ZRSR2: variants seen among roughly 807,000 people sequenced by gnomAD.
ZRSR2 encodes U2 small nuclear ribonucleoprotein auxiliary factor 35 kDa subunit-related protein 2.
Under a neutral mutation model 39.4 loss-of-function variants are expected in ZRSR2, and 3 were observed. The observed-to-expected ratio is 0.08, with a 90% CI of 0.03 to 0.20. The LOEUF (loss-of-function observed/expected upper bound fraction) is 0.20. Among genes scored for constraint, ZRSR2 ranks in the 10% least tolerant of loss-of-function variants. The pLI is 1.00. For missense variants in ZRSR2, 256 were observed against 391.5 expected, an observed-to-expected ratio of 0.65 and a Z score of 2.92; for synonymous variants, 137 against 136.0, an observed-to-expected ratio of 1.01 and a Z score of -0.05.
chrX:15,807,354 A>G (rs754578710), intron 5 of ZRSR2, among the ~76,000 whole-genome samples: 1 of 109,376 alleles, frequency 9.1e-6, no homozygotes, highest in East Asian at 2.9e-4. Context: ...CAGTGGCGTC[A>G]TCTCGGCTCA....
intron 7 of ZRSR2, among the ~76,000 whole-genome samples, chrX:15,812,151 G>C (rs927283600): frequency 1.8e-5 from 2 of 110,578 alleles, no homozygotes; most frequent in East Asian, 5.7e-4. Flanking sequence ...GGATGGTCTC[G>C]ATCTCCTGAC....
intron 8 of ZRSR2, 132 bp downstream of exon 8, chrX:15,816,022 C>A: frequency 2.3e-6 from 1 of 428,450 alleles, no homozygotes. Context: ...CCCTCTTTCT[C>A]TCTTTCCACC....
chrX:15,794,921 G>C (rs1018082597), intron 2 of ZRSR2, among the ~76,000 whole-genome samples: 1 of 111,573 alleles, frequency 9.0e-6, no homozygotes, highest in African/African-American at 3.3e-5. Flanking sequence ...GTGTCAATTT[G>C]TTTTCTGGCA....
chrX:15,816,933 C>G lies in ZRSR2; in HGVS notation c.771+1043C>G, dbSNP rs375927073. On this transcript the variant is annotated intron_variant, in intron 8 of 10. Coordinates refer to ENST00000307771, the MANE Select transcript of ZRSR2 (RefSeq NM_005089.4). ...GCCTTCCTGTCTTCACATTACTTGT[C>G]AGCACAAGCAATAACTGCTAAAGTG... 2.0e-3 allele frequency among the ~76,000 whole-genome samples: 218 copies of G among 111,201 alleles called. 3 individuals carry two copies. In the South Asian group the frequency reaches 0.08, roughly 41 times the overall value.
chrX:15,804,334 A>G (rs1055146469), intron 5 of ZRSR2, 137 bp downstream of exon 5: 18 of 969,438 alleles, frequency 1.9e-5, no homozygotes, highest in African/African-American at 1.8e-4. Context: ...CAGTTTAGAC[A>G]TAACACCAGA....
intron 5 of ZRSR2, among the ~76,000 whole-genome samples, chrX:15,805,482 A>G (rs912852849): frequency 1.8e-5 from 2 of 112,251 alleles, no homozygotes; most frequent in South Asian, 3.6e-4. Flanking sequence ...AATCAGCAGT[A>G]TGTGTTCCTG....
intron 7 of ZRSR2, among the ~76,000 whole-genome samples, chrX:15,810,316 C>G (rs1321013200): frequency 8.9e-6 from 1 of 111,826 alleles, no homozygotes; most frequent in Non-Finnish European, 1.9e-5. Context: ...TATTAATGAA[C>G]AACTTAAAGT....
At chrX:15,791,437 G>A (rs758197134) in intron 2 of ZRSR2, among the ~76,000 whole-genome samples, 125 of 111,293 alleles carry the variant, frequency 1.1e-3, no homozygotes, top group African/African-American at 3.8e-3. Context: ...AAATTATTAT[G>A]TTATTCAAAT....
At chrX:15,820,066 T>C in intron 9 of ZRSR2, 141 bp from the exon 10 acceptor site, 1 of 541,241 alleles carries the variant, frequency 1.8e-6, no homozygotes. Context: ...AGCTTGACCA[T>C]TTTAATGACT....
intron 3 of ZRSR2, 87 bp from the exon 4 acceptor site, chrX:15,803,601 C>T: frequency 9.2e-7 from 1 of 1,086,550 alleles, no homozygotes; most frequent in Non-Finnish European, 1.2e-6. Flanking sequence ...GAATCAGTCC[C>T]AAAATGTGTC....
At chrX:15,822,690 T>C in intron 10 of ZRSR2, 41 bp from the exon 11 acceptor site, 1 of 1,210,834 alleles carries the variant, frequency 8.3e-7, no homozygotes, top group African/African-American at 1.7e-5. Flanking sequence ...ATCTTCAGAA[T>C]ATGCAGTGAT....
chrX:15,820,160 T>C (rs372350982), intron 9 of ZRSR2, 47 bp from the exon 10 acceptor site: 187 of 1,018,638 alleles, frequency 1.8e-4, no homozygotes, highest in Non-Finnish European at 2.3e-4. Context: ...CTAATCTACA[T>C]ATTAGGAAGT....
rs1404694257 is a variant in ZRSR2, at chrX:15,790,509, A to G, written c.14A>G (p.Glu5Gly). The G allele has an allele frequency of 1.7e-6, 2 of 1,159,840 alleles. No homozygotes were observed. Among genetic ancestry groups the G allele is most frequent in the Non-Finnish European group, 1.1e-6 (1 of 871,105 alleles). The change falls in exon 1 of 11, where the codon GAG (glutamate) becomes GGG (glycine). Residue 5 changes from glutamate (E) to glycine (G), a missense_variant. Glu to Gly is a moderately conservative substitution (Grantham distance 98). This residue lies in a region of ZRSR2 where 87 missense variants were observed against 111.7 expected (regional missense o/e 0.78). Coordinates refer to ENST00000307771, the MANE Select transcript of ZRSR2 (RefSeq NM_005089.4). MAAP[E>G]KMTFPEKPSH... is the part of the protein sequence containing the mutation. The stretch of plus-strand genomic sequence containing the variant: ...GGTGCCGGCAAGATGGCTGCGCCCG[A>G]GAAGATGACGTTTCCCGAGAAACCA...
chrX:15,804,313 G>A, intron 5 of ZRSR2, 116 bp downstream of exon 5: 1 of 1,053,722 alleles, frequency 9.5e-7, no homozygotes, highest in Non-Finnish European at 1.2e-6. Context: ...TGTTTGGAAA[G>A]AATCATATTT....
intron 3 of ZRSR2, among the ~76,000 whole-genome samples, chrX:15,802,775 A>G (rs1286976669): frequency 9.0e-6 from 1 of 111,463 alleles, no homozygotes; most frequent in East Asian, 2.8e-4. Flanking sequence ...ATTTATTTTT[A>G]TAACTCCATT....
rs1468758963 is a variant in ZRSR2, at chrX:15,823,084, A to AGGGACCGCAGCC, written c.1295_1306dup (p.Asp432_Arg435dup). 2.5e-6 allele frequency: 3 copies of AGGGACCGCAGCC among 1,209,148 alleles called. No homozygotes were observed. The Admixed American group carries it at 6.5e-5, about 26-fold the overall frequency. Reference sequence around the variant, plus strand: ...CAGAGGAAGAAATAGGGACCGCAGCAGGGACCGCAGCCGGGGCCGGGGCAG... The same window carrying AGGGACCGCAGCC: ...CAGAGGAAGAAATAGGGACCGCAGCAGGGACCGCAGCCGGGACCGCAGCCGGGGCCGGGGCAG... On this transcript the variant is annotated inframe_insertion, in exon 11 of 11. Transcript: ENST00000307771.
rs778368197 is a variant in ZRSR2, at chrX:15,794,153, T to G, written c.121+3140T>G. 1.2e-4 allele frequency among the ~76,000 whole-genome samples: 13 copies of G among 112,045 alleles called. No homozygotes were observed. In the South Asian group the frequency reaches 4.4e-3, roughly 38 times the overall value. ...GAAATGCTTGCGTTGTATTTACCAG[T>G]TCAGCATCCCAAATCCAAAGATCCA... On this transcript the variant is annotated intron_variant, in intron 2 of 10. Transcript: ENST00000307771.
At chrX:15,800,001 A>T in intron 3 of ZRSR2, 48 bp downstream of exon 3, 1 of 970,994 alleles carries the variant, frequency 1.0e-6, no homozygotes, top group African/African-American at 1.9e-5. Context: ...ATTTTATTGG[A>T]ATATTATCAA....
At chrX:15,797,371 C>T (rs12846571) in intron 2 of ZRSR2, among the ~76,000 whole-genome samples, 4 of 107,841 alleles carry the variant, frequency 3.7e-5, no homozygotes, top group South Asian at 4.1e-4. Flanking sequence ...CCACCACGCC[C>T]GGCTAATTTT....
Sources: allele counts gnomAD v4.1 joint callset (sites outside exome capture counted in the v4.1 genomes callset), GRCh38; gene constraint gnomAD v4.1.1; regional missense constraint gnomAD v4.1.1; transcripts MANE v1.5; gene names NCBI Gene and HGNC (gene_info 2026-07-23, HGNC 2026-07-21).